RHPN2: variants seen among roughly 807,000 people sequenced by gnomAD.
RHPN2 encodes rhophilin-2.
A neutral mutation model predicts 79.0 loss-of-function variants in RHPN2; 40 were observed. That is an observed-to-expected ratio of 0.51 (90% CI 0.39 to 0.66). The LOEUF (loss-of-function observed/expected upper bound fraction) is 0.66, where lower values mean the gene tolerates loss of function less well. RHPN2 is among the 30% of genes least tolerant of loss of function. The pLI, the probability that RHPN2 is intolerant of heterozygous loss-of-function variation, is 0.00. For synonymous variants in RHPN2, 285 were observed against 363.5 expected, an observed-to-expected ratio of 0.78 and a Z score of 2.46; for missense variants, 686 against 883.5, an observed-to-expected ratio of 0.78 and a Z score of 2.83.
At chr19:33,058,895 A>G (rs1345965998) in intron 1 of RHPN2, among the ~76,000 whole-genome samples, 3 of 152,072 alleles carry the variant, frequency 2.0e-5, no homozygotes, top group Admixed American at 2.0e-4. Context: ...TCAGGAGTTC[A>G]AGACCAGCCT....
chr19:33,003,095 A>C, intron 7 of RHPN2, 95 bp from the exon 8 acceptor site: 1 of 1,122,436 alleles, frequency 8.9e-7, no homozygotes, highest in Non-Finnish European at 1.3e-6. Flanking sequence ...GCGGTGGCTC[A>C]TGCCCATAAT....
At chr19:33,029,879 G>A (rs1971997646) in intron 2 of RHPN2, among the ~76,000 whole-genome samples, 1 of 152,190 alleles carries the variant, frequency 6.6e-6, no homozygotes, top group Admixed American at 6.5e-5. Flanking sequence ...CACAGACCGT[G>A]CTTAACTCCC....
chr19:33,060,086 C>G (rs201558887), intron 1 of RHPN2, among the ~76,000 whole-genome samples: 94 of 152,352 alleles, frequency 6.2e-4, no homozygotes, highest in Non-Finnish European at 7.8e-4. Flanking sequence ...ACACACTAGC[C>G]TCCGCGTTCA....
At chr19:33,007,917 TG>T (rs751832037) in intron 7 of RHPN2, 96 bp downstream of exon 7, 243,952 of 1,375,462 alleles carry the variant, frequency 0.18, 22,837 homozygotes, top group South Asian at 0.28. Flanking sequence ...GTCTGGCCCT[TG>T]CGAGGGATGA....
intron 5 of RHPN2, 49 bp from the exon 6 acceptor site, chr19:33,011,852 G>C: frequency 6.2e-7 from 1 of 1,613,442 alleles, no homozygotes; most frequent in Non-Finnish European, 8.5e-7. Context: ...GGACACAGCT[G>C]ATGGCCCTTC....
At position 32,979,101 on chromosome 19, in the gene RHPN2, A is replaced by T. The variant is rs1047134392; in HGVS notation, c.*895T>A. On this transcript the variant is annotated 3_prime_UTR_variant, in exon 15 of 15. Coordinates refer to ENST00000254260, the MANE Select transcript of RHPN2 (RefSeq NM_033103.5). The stretch of plus-strand genomic sequence containing the variant: ...GGGGCGGAGGTTGCACTGAGCTGAG[A>T]TCACACCACTGCACTCCAGCCTGGG... 7 of 152,156 alleles carry T rather than the reference A, an allele frequency of 4.6e-5. No individual in the cohort carries two copies. Among genetic ancestry groups the T allele is most frequent in the Admixed American group, 1.3e-4 (2 of 15,256 alleles). 9.4% of individuals were successfully genotyped at this position (152,156 alleles called of 1,614,324 possible).
chr19:33,026,388 A>G (rs1599823722), intron 3 of RHPN2, 116 bp downstream of exon 3: 1 of 1,369,934 alleles, frequency 7.3e-7, no homozygotes, highest in African/African-American at 1.4e-5. Context: ...CACTTCCGAA[A>G]GTGGGGGCTG....
chr19:33,022,131 A>G lies in RHPN2; in HGVS notation c.315-485T>C, dbSNP rs1257041431. Among the ~76,000 whole-genome samples, 10 of 151,986 alleles carry G rather than the reference A, an allele frequency of 6.6e-5. No homozygotes were observed. In the East Asian group the frequency reaches 1.9e-3, roughly 29 times the overall value. Reference sequence around the variant, plus strand: ...AATTTTTGTATATTTTTTTAGTAGCAATGGGGTTTCGCCATGTTGACCACG... The same window carrying G: ...AATTTTTGTATATTTTTTTAGTAGCGATGGGGTTTCGCCATGTTGACCACG... On this transcript the variant is annotated intron_variant, in intron 3 of 14. Coordinates refer to ENST00000254260, the MANE Select transcript of RHPN2 (RefSeq NM_033103.5).
intron 1 of RHPN2, among the ~76,000 whole-genome samples, chr19:33,050,047 C>T (rs940080239): frequency 1.3e-5 from 2 of 152,142 alleles, no homozygotes; most frequent in Non-Finnish European, 2.9e-5. Context: ...TGTGTAAATC[C>T]ATGCTCCCCC....
intron 1 of RHPN2, among the ~76,000 whole-genome samples, chr19:33,061,715 C>G (rs1194159988): frequency 6.6e-6 from 1 of 152,108 alleles, no homozygotes. Flanking sequence ...AACTCCTGAT[C>G]TCAAGTGATC....
At chr19:32,998,988 G>T (rs1317948084) in intron 10 of RHPN2, among the ~76,000 whole-genome samples, 1 of 139,430 alleles carries the variant, frequency 7.2e-6, no homozygotes, top group Non-Finnish European at 1.6e-5. Flanking sequence ...ACAGAGGGGA[G>T]GAGAGGGGAG....
chr19:33,041,575 C>T (rs1017623373), intron 2 of RHPN2, among the ~76,000 whole-genome samples: 2 of 152,114 alleles, frequency 1.3e-5, no homozygotes, highest in Non-Finnish European at 2.9e-5. Flanking sequence ...GAGTCAGGCT[C>T]GGGCCTCAGA....
chr19:33,005,532 ACAAT>A (rs1971783357), intron 7 of RHPN2, among the ~76,000 whole-genome samples: 2 of 150,332 alleles, frequency 1.3e-5, no homozygotes, highest in Non-Finnish European at 3.0e-5. Flanking sequence ...GCGCTAACTG[ACAAT>A]CAATCTGGAA....
At position 33,002,232 on chromosome 19, in the gene RHPN2, C is replaced by A. The variant is rs781769483; in HGVS notation, c.1105+15G>T. 1.2e-6 allele frequency: 2 copies of A among 1,611,688 alleles called. No individual in the cohort carries two copies. Among genetic ancestry groups the A allele is most frequent in the Admixed American group, 1.7e-5 (1 of 59,932 alleles). On this transcript the variant is annotated intron_variant, in intron 9 of 14. Coordinates refer to ENST00000254260, the MANE Select transcript of RHPN2 (RefSeq NM_033103.5). ...CCACAGCCCTCGCCAAACTCCCGAA[C>A]CCCCCAGGCCTTACCCTGGTGGTCG...
At chr19:33,034,622 A>C (rs1301164768) in intron 2 of RHPN2, among the ~76,000 whole-genome samples, 3 of 149,880 alleles carry the variant, frequency 2.0e-5, no homozygotes, top group African/African-American at 7.3e-5. Flanking sequence ...AAAAAAAAAA[A>C]ATACAAAAGT....
At chr19:32,988,739 GC>G (rs1971631047) in intron 14 of RHPN2, among the ~76,000 whole-genome samples, 1 of 152,144 alleles carries the variant, frequency 6.6e-6, no homozygotes, top group Admixed American at 6.6e-5. Context: ...TTGTCCCTCT[GC>G]AACTGGCTCG....
intron 10 of RHPN2, 63 bp from the exon 11 acceptor site, chr19:32,996,283 A>G (rs1362420719): frequency 7.7e-6 from 12 of 1,563,032 alleles, no homozygotes; most frequent in Non-Finnish European, 9.7e-6. Context: ...TAAAGGCCCA[A>G]GGGGCAGCCC....
chr19:32,991,503 G>A (rs1337835581), intron 13 of RHPN2: 12 of 353,538 alleles, frequency 3.4e-5, no homozygotes, highest in Non-Finnish European at 4.8e-5. Flanking sequence ...GTGGTGGCAC[G>A]TGCCTGTAAT....
chr19:33,003,679 A>G (rs543151620), intron 7 of RHPN2, among the ~76,000 whole-genome samples: 9 of 152,206 alleles, frequency 5.9e-5, no homozygotes, highest in Non-Finnish European at 1.3e-4. Context: ...CACATGGTAC[A>G]GTGTAAATAA....
Sources: allele counts gnomAD v4.1 joint callset (sites outside exome capture counted in the v4.1 genomes callset), GRCh38; gene constraint gnomAD v4.1.1; transcripts MANE v1.5; gene names NCBI Gene and HGNC (gene_info 2026-07-23, HGNC 2026-07-21).